Variants in LPIN1 observed in about 807,000 individuals in gnomAD.
The protein encoded by LPIN1 is lipin 1, also known as phosphatidate phosphatase LPIN1.
LPIN1 carries 71 observed loss-of-function variants against 107.5 expected under a neutral mutation model. The observed-to-expected ratio is 0.66, with a 90% CI of 0.55 to 0.80. The LOEUF (loss-of-function observed/expected upper bound fraction) is 0.80. Ranked by LOEUF, LPIN1 falls within the 30% of genes least tolerant of loss-of-function variation. The probability of loss-of-function intolerance (pLI) is 0.00; values close to 1 mark genes in which losing one functional copy is unlikely to be tolerated. For missense variants in LPIN1, 1,043 were observed against 1,160.6 expected, an observed-to-expected ratio of 0.90 and a Z score of 1.47; for synonymous variants, 445 against 452.6, an observed-to-expected ratio of 0.98 and a Z score of 0.21.
chr2:11,790,163 A>G (rs916309579), intron 12 of LPIN1, among the ~76,000 whole-genome samples: 15 of 152,250 alleles, frequency 9.9e-5, no homozygotes, highest in Non-Finnish European at 1.8e-4. Flanking sequence ...AATGAGAGGT[A>G]TTAGGAAGCA....
rs72775811 is a variant in LPIN1, at chr2:11,791,647, G to T, written c.1714-267G>T. On this transcript the variant is annotated intron_variant, in intron 12 of 20. Transcript: ENST00000674199. ...ATGATTTCTAATGCTTTCTTTTTTT[G>T]TTGTTGTTGTTGTGTTGTATTTTAT... is the stretch of plus-strand genomic sequence containing the variant. 51,591 of 1,235,730 alleles carry T rather than the reference G, an allele frequency of 0.042. 1,095 individuals carry two copies. The highest frequency in any genetic ancestry group is 0.049 in the South Asian group (3,229 of 65,634). The allele number at this position is 1,235,730 out of a possible 1,614,324, so 76.5% of individuals were successfully genotyped here.
intron 13 of LPIN1, among the ~76,000 whole-genome samples, chr2:11,792,822 G>A (rs572467037): frequency 1.3e-5 from 2 of 152,130 alleles, no homozygotes; most frequent in African/African-American, 4.8e-5. Flanking sequence ...GATCTTCGTT[G>A]CCCTCTCCTC....
In LPIN1 at chr2:11,707,226, G is replaced by A. The variant is rs1663168514; in HGVS notation, c.82-6530G>A. 6.6e-6 allele frequency among the ~76,000 whole-genome samples: 1 copy of A among 152,214 alleles called. No individual in the cohort carries two copies. The highest frequency in any genetic ancestry group is 2.4e-5 in the African/African-American group (1 of 41,456). On this transcript the variant is annotated intron_variant, in intron 1 of 21. Coordinates refer to the LPIN1 transcript ENST00000449576. This position sits in a 1 kb window ranked among gnomAD's most constrained non-coding sequence, Gnocchi z 4.2. ...GTGCTAAGAAGAAAAAGACAGCAGG[G>A]TAAGGAGACGGGGGATGATCAGATG...
At chr2:11,822,943 A>C (rs184478191) in intron 20 of LPIN1, 1 of 152,214 alleles carries the variant, frequency 6.6e-6, no homozygotes, top group African/African-American at 2.4e-5. Flanking sequence ...ACTCATTGCC[A>C]GGGGATGTTG....
At chr2:11,718,912 T>G in intron 2 of LPIN1, among the ~76,000 whole-genome samples, 1 of 152,168 alleles carries the variant, frequency 6.6e-6, no homozygotes, top group East Asian at 1.9e-4. Flanking sequence ...AAGCAAAGGG[T>G]GGTGGCTAAG....
chr2:11,698,971 G>A (rs1468305834), intron 1 of LPIN1, among the ~76,000 whole-genome samples: 3 of 152,300 alleles, frequency 2.0e-5, no homozygotes, highest in East Asian at 1.9e-4. Flanking sequence ...CCAATGGTCC[G>A]CTGGCCGTAT....
rs142541784 is a variant in LPIN1, at chr2:11,733,769, G to T, written c.-71-7580G>T. Among the ~76,000 whole-genome samples the T allele has an allele frequency of 9.3e-3, 1,421 of 152,298 alleles. 8 individuals carry two copies. The highest frequency in any genetic ancestry group is 0.016 in the Non-Finnish European group (1,115 of 68,022). On this transcript the variant is annotated intron_variant, in intron 1 of 21. Coordinates refer to the LPIN1 transcript ENST00000396097. ...GGCCTCCCAAAGTGCTGGGATTACA[G>T]GCGTGAGCCACTGCACCCAGCTACT...
At chr2:11,757,705 A>G (rs1668892000) in intron 1 of LPIN1, among the ~76,000 whole-genome samples, 2 of 151,554 alleles carry the variant, frequency 1.3e-5, no homozygotes, top group African/African-American at 4.9e-5. Context: ...TGCCCCCTCC[A>G]CCCCAAGCTC....
chr2:11,773,485 C>G (rs1018188064), intron 4 of LPIN1, 135 bp from the exon 5 acceptor site: 5 of 765,906 alleles, frequency 6.5e-6, no homozygotes. Context: ...CCTCCACTGC[C>G]TGGAACAGAT....
At chr2:11,799,722 T>C (rs1677357772) in intron 14 of LPIN1, among the ~76,000 whole-genome samples, 1 of 151,986 alleles carries the variant, frequency 6.6e-6, no homozygotes, top group South Asian at 2.1e-4. Context: ...AGTCCAGGTC[T>C]CTCTAGCCTG....
intron 13 of LPIN1, among the ~76,000 whole-genome samples, chr2:11,793,840 T>C (rs1342402585): frequency 6.6e-6 from 1 of 152,172 alleles, no homozygotes; most frequent in Non-Finnish European, 1.5e-5. Flanking sequence ...ACCCGAAACT[T>C]CATGAGGCAG....
In LPIN1 at chr2:11,693,203, A is replaced by ATT. The variant is rs34503437; in HGVS notation, c.81+15491_81+15492dup. Among the ~76,000 whole-genome samples the ATT allele has an allele frequency of 9.4e-3, 1,272 of 135,230 alleles. 26 individuals carry two copies. Among genetic ancestry groups the ATT allele is most frequent in the African/African-American group, 0.033 (1,185 of 35,454 alleles). The allele number at this position is 135,230 out of a possible 152,430, so 88.7% of individuals were successfully genotyped here. A position where few individuals can be genotyped will look rare whatever the true frequency, so the allele number is the denominator to read the frequency against. ...GGTCTGTCAGAATCACCTGAACAAC[A>ATT]TTTTTTTTTTTTTTTTTGAGATGAT... On this transcript the variant is annotated intron_variant, in intron 1 of 21. Coordinates refer to the LPIN1 transcript ENST00000449576.
At chr2:11,743,015 G>A (rs1389770228), upstream of LPIN1, among the ~76,000 whole-genome samples, 7 of 152,188 alleles carry the variant, frequency 4.6e-5, no homozygotes, top group Admixed American at 1.3e-4. This position sits in a 1 kb window ranked among gnomAD's most constrained non-coding sequence, Gnocchi z 4.7. Flanking sequence ...CTCTTGCTTG[G>A]GGACAGGGCA....
intron 1 of LPIN1, among the ~76,000 whole-genome samples, chr2:11,740,642 C>G (rs1481955683): frequency 6.8e-6 from 1 of 147,812 alleles, no homozygotes; most frequent in Non-Finnish European, 1.5e-5. Context: ...CAAGATCACC[C>G]CACTGCACTC....
chr2:11,704,836 G>A (rs1186636735), intron 1 of LPIN1, among the ~76,000 whole-genome samples: 1 of 152,184 alleles, frequency 6.6e-6, no homozygotes. Context: ...TACCTCCAGA[G>A]GCCACACACA....
intron 1 of LPIN1, among the ~76,000 whole-genome samples, chr2:11,726,715 A>G (rs1664701135): frequency 6.6e-6 from 1 of 152,194 alleles, no homozygotes; most frequent in African/African-American, 2.4e-5. Context: ...AATTGATTCA[A>G]ATGTTGCCAG....
At chr2:11,759,878 C>T (rs1384739261) in intron 1 of LPIN1, among the ~76,000 whole-genome samples, 5 of 152,002 alleles carry the variant, frequency 3.3e-5, no homozygotes, top group Non-Finnish European at 4.4e-5. Flanking sequence ...CACCTCCCTC[C>T]CGGACGGGGT....
intron 1 of LPIN1, among the ~76,000 whole-genome samples, chr2:11,737,789 G>A (rs1035038286): frequency 6.6e-6 from 1 of 152,154 alleles, no homozygotes; most frequent in Admixed American, 6.5e-5. Flanking sequence ...CTGTTGGTGG[G>A]TGTGTAAATT....
intron 1 of LPIN1, among the ~76,000 whole-genome samples, chr2:11,693,788 GTATATATA>G (rs869167624): frequency 0.063 from 2,545 of 40,568 alleles, 195 homozygotes; most frequent in South Asian, 0.12. Flanking sequence ...GTGTGAGTGT[GTATATATA>G]TATATATATA....
Sources: allele counts gnomAD v4.1 joint callset (sites outside exome capture counted in the v4.1 genomes callset), GRCh38; gene constraint gnomAD v4.1.1; non-coding constraint Gnocchi (gnomAD v3.1); transcripts MANE v1.5; gene names NCBI Gene and HGNC (gene_info 2026-07-23, HGNC 2026-07-21).